The following MICAL3 variants were observed in gnomAD, a reference collection of about 807,000 sequenced individuals.
The protein encoded by MICAL3 is [F-actin]-monooxygenase MICAL3.
MICAL3 carries 62 observed loss-of-function variants against 207.4 expected under a neutral mutation model. The observed-to-expected ratio is 0.30, with a 90% CI of 0.24 to 0.37. MICAL3 has a LOEUF of 0.37. Ranked by LOEUF, MICAL3 falls within the 10% of genes least tolerant of loss-of-function variation. The probability of loss-of-function intolerance (pLI) is 1.00; values close to 1 mark genes in which losing one functional copy is unlikely to be tolerated. For missense variants in MICAL3, 2,368 were observed against 2,635.6 expected (o/e 0.90, Z 2.22); for synonymous variants, 1,077 against 1,069.3 (o/e 1.01, Z -0.14).
chr22:17,946,615 C>T (rs932101885), intron 1 of MICAL3, among the ~76,000 whole-genome samples: 3 of 152,328 alleles, frequency 2.0e-5, no homozygotes, highest in Admixed American at 6.5e-5. Flanking sequence ...CACATGTGGA[C>T]ACATCCCCAA....
chr22:17,988,405 C>T (rs1361573351), intron 1 of MICAL3, among the ~76,000 whole-genome samples: 4 of 145,544 alleles, frequency 2.7e-5, no homozygotes, highest in South Asian at 2.2e-4. Flanking sequence ...ACCACCCACA[C>T]GCCAGATCCA....
intron 19 of MICAL3, among the ~76,000 whole-genome samples, chr22:17,849,124 G>A (rs951627398): frequency 6.6e-6 from 1 of 152,208 alleles, no homozygotes; most frequent in Non-Finnish European, 1.5e-5. Context: ...GGCGATGAGG[G>A]ATAAGCAGCA....
At chr22:17,842,262 C>A (rs1924095357) in intron 19 of MICAL3, 1 of 553,314 alleles carries the variant, frequency 1.8e-6, no homozygotes, top group Admixed American at 3.0e-5. Flanking sequence ...TCCTTCATCA[C>A]CCTGAACCCG....
At chr22:17,844,247 C>T (rs770467207) in intron 19 of MICAL3, among the ~76,000 whole-genome samples, 16 of 152,134 alleles carry the variant, frequency 1.1e-4, no homozygotes, top group Non-Finnish European at 1.9e-4. Flanking sequence ...CCGATTCCTG[C>T]AACATTCTAA....
chr22:17,938,673 CT>C (rs140239584), intron 1 of MICAL3, among the ~76,000 whole-genome samples: 1 of 152,284 alleles, frequency 6.6e-6, no homozygotes, highest in East Asian at 1.9e-4. Context: ...TACCCAGAGT[CT>C]TAAAGGACTA....
At chr22:17,878,266 C>T (rs1249164874) in intron 16 of MICAL3, among the ~76,000 whole-genome samples, 2 of 152,204 alleles carry the variant, frequency 1.3e-5, no homozygotes, top group Non-Finnish European at 2.9e-5. Context: ...GGGCTGCTTT[C>T]CTTTTTGAGG....
intron 27 of MICAL3, chr22:17,813,304 A>G (rs2062068037): frequency 1.3e-5 from 2 of 152,242 alleles, no homozygotes; most frequent in Admixed American, 1.3e-4. Flanking sequence ...CATTAGGGAA[A>G]CCAGGGTGTG....
At chr22:17,916,900 C>T (rs1017709016) in intron 1 of MICAL3, among the ~76,000 whole-genome samples, 1 of 152,188 alleles carries the variant, frequency 6.6e-6, no homozygotes, top group Non-Finnish European at 1.5e-5. Flanking sequence ...AAGTTTCATA[C>T]TGTGATCTAG....
intron 1 of MICAL3, among the ~76,000 whole-genome samples, chr22:17,959,006 T>C (rs556183091): frequency 8.4e-4 from 106 of 126,212 alleles, no homozygotes; most frequent in Non-Finnish European, 1.0e-3. Flanking sequence ...GCGCCGGGCC[T>C]GGGGTTTTTT....
intron 2 of MICAL3, 147 bp downstream of exon 2, chr22:17,906,402 G>A (rs745592119): frequency 1.7e-5 from 26 of 1,522,944 alleles, no homozygotes; most frequent in East Asian, 2.3e-5. Context: ...GGATATGGTC[G>A]ATGGCTCTGG....
chr22:17,935,542 C>A (rs1246635929), intron 1 of MICAL3, among the ~76,000 whole-genome samples: 1 of 152,106 alleles, frequency 6.6e-6, no homozygotes, highest in Admixed American at 6.6e-5. Context: ...GAGTAAAACA[C>A]CAAAAGCAAT....
intron 16 of MICAL3, among the ~76,000 whole-genome samples, chr22:17,878,020 T>C (rs1162227706): frequency 1.3e-5 from 2 of 152,050 alleles, no homozygotes; most frequent in African/African-American, 2.4e-5. Flanking sequence ...GCCTGGCTAA[T>C]TTTTTTGTAT....
chr22:18,022,355 A>G (rs2034299), intron 1 of MICAL3, among the ~76,000 whole-genome samples: 31,634 of 151,856 alleles, frequency 0.21, 3,854 homozygotes, highest in East Asian at 0.38. Context: ...ATAACACTTT[A>G]TAATTTCTAG....
At chr22:17,837,989 G>C (rs775085468) in intron 20 of MICAL3, among the ~76,000 whole-genome samples, 20 of 152,200 alleles carry the variant, frequency 1.3e-4, no homozygotes, top group African/African-American at 4.3e-4. Flanking sequence ...CTAATTTGTA[G>C]AGACTGGATC....
intron 29 of MICAL3, among the ~76,000 whole-genome samples, chr22:17,798,593 C>T (rs2061901454): frequency 6.6e-6 from 1 of 151,894 alleles, no homozygotes; most frequent in East Asian, 1.9e-4. Flanking sequence ...GCGGTGATGC[C>T]ACTATATTTA....
At chr22:17,909,974 C>T (rs930515361) in intron 1 of MICAL3, among the ~76,000 whole-genome samples, 1 of 152,220 alleles carries the variant, frequency 6.6e-6, no homozygotes, top group Admixed American at 6.5e-5. Flanking sequence ...GCCCTGCCTG[C>T]ATTCACAGTC....
At chr22:17,873,625 T>G (rs1033441111) in intron 16 of MICAL3, among the ~76,000 whole-genome samples, 26 of 152,188 alleles carry the variant, frequency 1.7e-4, no homozygotes, top group Admixed American at 7.9e-4. Flanking sequence ...GGTGGGAATG[T>G]GTTCTAGGCC....
chr22:17,843,640 G>T (rs113953751), intron 19 of MICAL3, among the ~76,000 whole-genome samples: 279 of 152,252 alleles, frequency 1.8e-3, no homozygotes, highest in Non-Finnish European at 2.9e-3. Context: ...CCACACACAC[G>T]GTCACCTTCC....
chr22:17,998,532 CATA>C (rs201722452), intron 1 of MICAL3, among the ~76,000 whole-genome samples: 1,771 of 149,244 alleles, frequency 0.012, 35 homozygotes, highest in African/African-American at 0.04. Flanking sequence ...AAATCCAGAG[CATA>C]ATAATAATAA....
Sources: allele counts gnomAD v4.1 joint callset (sites outside exome capture counted in the v4.1 genomes callset), GRCh38; gene constraint gnomAD v4.1.1; transcripts MANE v1.5; gene names NCBI Gene and HGNC (gene_info 2026-07-23, HGNC 2026-07-21).